AKAP10: variants seen among roughly 807,000 people sequenced by gnomAD.
AKAP10 encodes the protein A-kinase anchoring protein 10.
AKAP10 carries 24 observed loss-of-function variants against 80.8 expected under a neutral mutation model. The observed-to-expected ratio is 0.30, with a 90% CI of 0.22 to 0.42. AKAP10 has a LOEUF of 0.42. Ranked by LOEUF, AKAP10 falls within the 10% of genes least tolerant of loss-of-function variation. The pLI, the probability that AKAP10 is intolerant of heterozygous loss-of-function variation, is 1.00. For synonymous variants in AKAP10, 291 were observed against 277.7 expected (o/e 1.05, Z -0.48); for missense variants, 661 against 794.9 (o/e 0.83, Z 2.03).
intron 1 of AKAP10, among the ~76,000 whole-genome samples, chr17:19,972,688 CT>C (rs1245377426): frequency 6.6e-6 from 1 of 152,180 alleles, no homozygotes; most frequent in Non-Finnish European, 1.5e-5. Flanking sequence ...ATCTCCTGAC[CT>C]GGTGATCTGC....
intron 1 of AKAP10, among the ~76,000 whole-genome samples, chr17:19,974,158 T>G (rs1044714398): frequency 6.6e-6 from 1 of 151,726 alleles, no homozygotes; most frequent in African/African-American, 2.4e-5. Context: ...GCCACTGCAC[T>G]CCAGCTTGAA....
intron 12 of AKAP10, among the ~76,000 whole-genome samples, chr17:19,910,418 G>C (rs945733992): frequency 1.3e-5 from 2 of 150,738 alleles, no homozygotes; most frequent in African/African-American, 4.9e-5. Context: ...TTTTTTGTGT[G>C]ATACCCCAAA....
rs1043063096 is a variant in AKAP10 at position 19,954,958 on chromosome 17, G to A, written c.877+3056C>T. On this transcript the variant is annotated intron_variant, in intron 4 of 14. Transcript: ENST00000225737. ...GTCCTGATTGGGCACAGTGGCTCAC[G>A]CCTGTAATCCCAGCACTTTGGGAGG... 2.0e-5 allele frequency among the ~76,000 whole-genome samples: 3 copies of A among 151,922 alleles called. No homozygotes were observed. In the East Asian group the frequency reaches 5.8e-4, roughly 29 times the overall value.
At chr17:19,953,295 T>G (rs1410590816) in intron 4 of AKAP10, among the ~76,000 whole-genome samples, 1 of 151,662 alleles carries the variant, frequency 6.6e-6, no homozygotes, top group Non-Finnish European at 1.5e-5. Flanking sequence ...ATGCTTATCT[T>G]AGAAAAGAAA....
intron 5 of AKAP10, among the ~76,000 whole-genome samples, chr17:19,946,887 C>T (rs1211551787): frequency 1.3e-5 from 2 of 152,228 alleles, no homozygotes; most frequent in South Asian, 4.1e-4. Flanking sequence ...TGCCCAGGGA[C>T]GTCAGGCCCA....
At chr17:19,945,512 A>T (rs980368894) in intron 5 of AKAP10, among the ~76,000 whole-genome samples, 4 of 152,144 alleles carry the variant, frequency 2.6e-5, no homozygotes, top group African/African-American at 9.7e-5. Flanking sequence ...TGTCAGCAAA[A>T]CTCAGTGAAA....
chr17:19,921,146 C>T (rs2042809373), intron 11 of AKAP10, among the ~76,000 whole-genome samples: 1 of 150,626 alleles, frequency 6.6e-6, no homozygotes, highest in South Asian at 2.1e-4. Flanking sequence ...ACACTTAAGA[C>T]TGGAAAAAAA....
chr17:19,976,317 T>C (rs1298401252), intron 1 of AKAP10, among the ~76,000 whole-genome samples: 1 of 151,878 alleles, frequency 6.6e-6, no homozygotes, highest in African/African-American at 2.4e-5. Flanking sequence ...GCCCCGTTTC[T>C]ACTAAAAATA....
At chr17:19,963,211 CT>C (rs35363359) in intron 2 of AKAP10, among the ~76,000 whole-genome samples, 189 bp from the exon 3 acceptor site, 39,954 of 119,550 alleles carry the variant, frequency 0.33, 6,864 homozygotes, top group African/African-American at 0.49. Context: ...AGAAAACACT[CT>C]TTTTTTTTTT....
intron 5 of AKAP10, among the ~76,000 whole-genome samples, chr17:19,944,313 C>G (rs1451276392): frequency 6.6e-6 from 1 of 152,176 alleles, no homozygotes; most frequent in Non-Finnish European, 1.5e-5. Context: ...TGCCTCATTC[C>G]TATCAGCTGT....
chr17:19,957,974 G>T (rs774548088), intron 4 of AKAP10, 40 bp downstream of exon 4: 1 of 1,520,284 alleles, frequency 6.6e-7, no homozygotes, highest in East Asian at 2.3e-5. Flanking sequence ...AAAAAAGAAA[G>T]TGAGACACAT....
chr17:19,969,512 A>G (rs1272602174), intron 1 of AKAP10, among the ~76,000 whole-genome samples: 2 of 152,048 alleles, frequency 1.3e-5, no homozygotes, highest in African/African-American at 2.4e-5. Context: ...GATCTGACAT[A>G]AGACTATTTT....
At chr17:19,958,842 CTTTTTTT>C (rs772496178) in intron 3 of AKAP10, among the ~76,000 whole-genome samples, 10 of 92,936 alleles carry the variant, frequency 1.1e-4, no homozygotes, top group Non-Finnish European at 2.2e-4. Flanking sequence ...CATGTAAATT[CTTTTTTT>C]TTTTTTTTTT....
At chr17:19,925,496 G>C (rs2042866424) in intron 10 of AKAP10, among the ~76,000 whole-genome samples, 1 of 152,082 alleles carries the variant, frequency 6.6e-6, no homozygotes, top group Admixed American at 6.6e-5. Flanking sequence ...TGGTATTTTT[G>C]TGAAATACAG....
At chr17:19,957,010 C>G (rs2043284835) in intron 4 of AKAP10, among the ~76,000 whole-genome samples, 1 of 151,788 alleles carries the variant, frequency 6.6e-6, no homozygotes, top group Admixed American at 6.6e-5. Flanking sequence ...AATGAGTGAA[C>G]TAAAAGATCT....
intron 5 of AKAP10, among the ~76,000 whole-genome samples, chr17:19,944,863 ATTAG>A (rs931331855): frequency 5.9e-5 from 9 of 152,226 alleles, no homozygotes; most frequent in African/African-American, 1.4e-4. Context: ...AAAAACAGTA[ATTAG>A]TTAGCAACAC....
At chr17:19,923,258 A>T (rs951413991) in intron 11 of AKAP10, among the ~76,000 whole-genome samples, 2 of 151,178 alleles carry the variant, frequency 1.3e-5, no homozygotes, top group African/African-American at 4.9e-5. Flanking sequence ...TTTGTATTTT[A>T]GTAGAGACGG....
chr17:19,946,261 ATATATATATATATATTTTTTTTTT>A (rs2043123470), intron 5 of AKAP10, among the ~76,000 whole-genome samples: 1 of 25,754 alleles, frequency 3.9e-5, no homozygotes, highest in African/African-American at 1.7e-4. Flanking sequence ...ATATATATAT[ATATATATATATATATTTTTTTTTT>A]TTTTTTTTTT....
chr17:19,966,772 T>C (rs2043425380), intron 2 of AKAP10, among the ~76,000 whole-genome samples: 1 of 120,604 alleles, frequency 8.3e-6, no homozygotes, highest in Admixed American at 8.5e-5. Flanking sequence ...GTGGCAAAGT[T>C]TAGAGTGGAA....
Sources: gnomAD v4.1 joint callset for allele counts (sites outside exome capture counted in the v4.1 genomes callset) on GRCh38, gnomAD v4.1.1 for gene constraint, MANE v1.5 for transcripts, NCBI Gene and HGNC (gene_info 2026-07-23, HGNC 2026-07-21) for gene names.